TBCD: variants seen among roughly 807,000 people sequenced by gnomAD.
The protein encoded by TBCD is tubulin-specific chaperone D.
Under a neutral mutation model 169.3 loss-of-function variants are expected in TBCD, and 105 were observed. The observed-to-expected ratio is 0.62, with a 90% CI of 0.53 to 0.73. TBCD has a LOEUF of 0.73. Among genes scored for constraint, TBCD ranks in the 30% least tolerant of loss-of-function variants. The pLI, the probability that TBCD is intolerant of heterozygous loss-of-function variation, is 0.00. For synonymous variants in TBCD, 700 were observed against 643.9 expected, an observed-to-expected ratio of 1.09 and a Z score of -1.32; for missense variants, 1,444 against 1,600.1, an observed-to-expected ratio of 0.90 and a Z score of 1.66.
At chr17:82,942,133 A>G in intron 38 of TBCD, 1 of 507,788 alleles carries the variant, frequency 2.0e-6, no homozygotes, top group African/African-American at 1.9e-5. Flanking sequence ...GCTGAACTCA[A>G]CAGCAGACTT....
At chr17:82,882,243 G>A (rs1315868633) in intron 14 of TBCD, among the ~76,000 whole-genome samples, 5 of 152,210 alleles carry the variant, frequency 3.3e-5, no homozygotes, top group African/African-American at 2.4e-5. Context: ...AGACCCACTC[G>A]CACCCATGGG....
chr17:82,837,801 C>T (rs1324721908), intron 13 of TBCD, among the ~76,000 whole-genome samples: 2 of 152,234 alleles, frequency 1.3e-5, no homozygotes, highest in Non-Finnish European at 2.9e-5. Context: ...AATGTGTGCC[C>T]TCTTCTCCAA....
chr17:82,924,719 C>T (rs1180239159), intron 26 of TBCD, among the ~76,000 whole-genome samples: 1 of 152,168 alleles, frequency 6.6e-6, no homozygotes, highest in African/African-American at 2.4e-5. Context: ...CACCACGGCA[C>T]TCCAGCCTGG....
chr17:82,879,695 C>T (rs1206839701), intron 14 of TBCD, among the ~76,000 whole-genome samples: 1 of 152,202 alleles, frequency 6.6e-6, no homozygotes, highest in Non-Finnish European at 1.5e-5. Flanking sequence ...ACTCAAGCAC[C>T]AAACAGGACA....
intron 7 of TBCD, among the ~76,000 whole-genome samples, chr17:82,786,821 CTT>C (rs71168154): frequency 0.015 from 1,700 of 110,126 alleles, 31 homozygotes; most frequent in African/African-American, 0.048. Flanking sequence ...CGGTTCTTTA[CTT>C]TTTTTTTTTT....
rs748990586 is a variant in TBCD, at chr17:82,831,411, G to C, written c.1318+16477G>C. The C allele has an allele frequency of 6.8e-6, 11 of 1,614,098 alleles. No individual in the cohort carries two copies. The highest frequency in any genetic ancestry group is 5.5e-5 in the South Asian group (5 of 91,084). On this transcript the variant is annotated intron_variant, in intron 13 of 38. Transcript: ENST00000355528. The surrounding 1 kb of genome is among the most constrained non-coding windows in gnomAD (Gnocchi z 4.6). Reference sequence around the variant, plus strand: ...AGACCAGGGTGGCTTCTTCAAGCAGGTGAGAGCTCTGATCTCGGGTGAGGC... The same window carrying C: ...AGACCAGGGTGGCTTCTTCAAGCAGCTGAGAGCTCTGATCTCGGGTGAGGC...
intron 17 of TBCD, among the ~76,000 whole-genome samples, chr17:82,899,957 G>C (rs1419542076): frequency 1.3e-5 from 2 of 152,030 alleles, no homozygotes; most frequent in Non-Finnish European, 2.9e-5. Context: ...TTTTTTGTTT[G>C]GGGTTTATCT....
intron 7 of TBCD, among the ~76,000 whole-genome samples, chr17:82,783,507 C>T (rs1011113024): frequency 3.9e-5 from 6 of 152,308 alleles, no homozygotes; most frequent in Non-Finnish European, 7.3e-5. Flanking sequence ...CCGAGCAGTC[C>T]GTCCCTCACC....
chr17:82,878,530 G>A (rs1255369795), intron 14 of TBCD, among the ~76,000 whole-genome samples: 2 of 129,954 alleles, frequency 1.5e-5, no homozygotes, highest in African/African-American at 2.8e-5. Context: ...TTACTGGAAA[G>A]AGTGATGTGA....
rs369069189 is a variant in TBCD at position 82,921,600 on chromosome 17, C to T, written c.2178+23C>T. The T allele has an allele frequency of 1.3e-4, 202 of 1,611,296 alleles. 2 individuals carry two copies. Among genetic ancestry groups the T allele is most frequent in the South Asian group, 8.0e-4 (73 of 91,026 alleles). On this transcript the variant is annotated intron_variant, in intron 25 of 38. Coordinates refer to ENST00000355528, the MANE Select transcript of TBCD (RefSeq NM_005993.5). ...AAGGTACAGTGAGCATGGGCGTTCC[C>T]GGCCGGCGCTGTGGCGGTGTTAGTG...
intron 35 of TBCD, 107 bp from the exon 36 acceptor site, chr17:82,937,942 C>G: frequency 6.5e-7 from 1 of 1,549,908 alleles, no homozygotes; most frequent in Non-Finnish European, 8.7e-7. Flanking sequence ...ACTGTGCTCA[C>G]GGATCTGCTC....
chr17:82,905,882 A>AGGCC (rs1408223575), intron 19 of TBCD, 54 bp from the exon 20 acceptor site: 2 of 1,426,260 alleles, frequency 1.4e-6, no homozygotes, highest in African/African-American at 2.9e-5. Context: ...GGCTTCCCAC[A>AGGCC]GGCCGTCCAC....
chr17:82,761,919 G>T (rs1214603970), intron 2 of TBCD, among the ~76,000 whole-genome samples: 1 of 151,044 alleles, frequency 6.6e-6, no homozygotes, highest in African/African-American at 2.4e-5. Flanking sequence ...AGTAGAGACG[G>T]GGTTTCACCT....
intron 24 of TBCD, 143 bp from the exon 25 acceptor site, chr17:82,921,358 T>C (rs746572308): frequency 1.3e-5 from 9 of 693,396 alleles, no homozygotes; most frequent in Non-Finnish European, 1.8e-5. Flanking sequence ...ACGTGGAGAA[T>C]GTTCACTTTG....
chr17:82,875,128 C>G (rs146439631), intron 14 of TBCD, among the ~76,000 whole-genome samples: 2 of 152,316 alleles, frequency 1.3e-5, no homozygotes, highest in East Asian at 3.9e-4. Flanking sequence ...TCTTTTGCCT[C>G]ATGGTGTGAA....
At chr17:82,869,936 G>A (rs927381682) in intron 13 of TBCD, among the ~76,000 whole-genome samples, 5 of 151,360 alleles carry the variant, frequency 3.3e-5, no homozygotes, top group African/African-American at 1.2e-4. Flanking sequence ...AGACCCCTGG[G>A]TGGTATCATG....
intron 8 of TBCD, among the ~76,000 whole-genome samples, chr17:82,800,424 T>C (rs976168196): frequency 6.6e-6 from 1 of 151,600 alleles, no homozygotes; most frequent in Non-Finnish European, 1.5e-5. Context: ...GGCCTGTGTG[T>C]TCTCCCCAGC....
chr17:82,783,151 A>G (rs1205337051), intron 7 of TBCD, among the ~76,000 whole-genome samples: 2 of 151,240 alleles, frequency 1.3e-5, no homozygotes, highest in Non-Finnish European at 2.9e-5. Context: ...TTGAGGGGGA[A>G]TTGGGAAGTG....
chr17:82,800,827 C>T (rs758123472), intron 8 of TBCD, 37 bp from the exon 9 acceptor site: 3 of 1,588,688 alleles, frequency 1.9e-6, no homozygotes, highest in Admixed American at 1.7e-5. Flanking sequence ...AAGATGCCTG[C>T]AGCCCTTCCT....
Sources: gnomAD v4.1 joint callset for allele counts (sites outside exome capture counted in the v4.1 genomes callset) on GRCh38, gnomAD v4.1.1 for gene constraint, Gnocchi (gnomAD v3.1) non-coding constraint, MANE v1.5 for transcripts, NCBI Gene and HGNC (gene_info 2026-07-23, HGNC 2026-07-21) for gene names.